PLCB1: variants seen among roughly 807,000 people sequenced by gnomAD.
PLCB1 encodes 1-phosphatidylinositol 4,5-bisphosphate phosphodiesterase beta-1.
Under a neutral mutation model 161.8 loss-of-function variants are expected in PLCB1, and 46 were observed. The ratio of observed to expected loss-of-function variants is 0.28; its 90% CI spans 0.22 to 0.36. The LOEUF is 0.36. Among genes scored for constraint, PLCB1 ranks in the 10% least tolerant of loss-of-function variants. The pLI is 1.00. For missense variants in PLCB1, 1,016 were observed against 1,472.5 expected (o/e 0.69, Z 5.07); for synonymous variants, 517 against 503.7 (o/e 1.03, Z -0.35).
intron 3 of PLCB1, among the ~76,000 whole-genome samples, chr20:8,551,492 C>T (rs1326255298): frequency 6.6e-6 from 1 of 152,178 alleles, no homozygotes; most frequent in South Asian, 2.1e-4. Flanking sequence ...AAGGGTGTGA[C>T]CTTTACCGTC....
In PLCB1 at chr20:8,796,404, G is replaced by A. The variant is rs554469374; in HGVS notation, c.3423+6143G>A. Among the ~76,000 whole-genome samples the A allele has an allele frequency of 9.9e-5, 15 of 152,226 alleles. No individual in the cohort carries two copies. In the South Asian group the frequency reaches 1.9e-3, roughly 19 times the overall value. ...GTTTGGGAGAGAAAAGGCAAACTTC[G>A]GGATTTAAAATAAAATATTTTTTAA... is the stretch of plus-strand genomic sequence containing the variant. On this transcript the variant is annotated intron_variant, in intron 31 of 31. Transcript: ENST00000338037.
At chr20:8,509,695 G>A (rs1042879095) in intron 3 of PLCB1, among the ~76,000 whole-genome samples, 5 of 151,924 alleles carry the variant, frequency 3.3e-5, no homozygotes, top group African/African-American at 1.2e-4. Flanking sequence ...ATAACAGGTA[G>A]GTAGACAGAT....
chr20:8,202,079 TTTG>T (rs1383705112), intron 2 of PLCB1, among the ~76,000 whole-genome samples: 1 of 152,154 alleles, frequency 6.6e-6, no homozygotes, highest in Non-Finnish European at 1.5e-5. Flanking sequence ...GTTTGTGTAT[TTTG>T]TTGTTGTTGT....
chr20:8,308,437 T>C (rs956294897), intron 2 of PLCB1, among the ~76,000 whole-genome samples: 7 of 151,292 alleles, frequency 4.6e-5, no homozygotes, highest in Middle Eastern at 3.4e-3. Flanking sequence ...GCCAACATGG[T>C]GAAACCCTCT....
intron 2 of PLCB1, among the ~76,000 whole-genome samples, chr20:8,175,640 T>C (rs1480506473): frequency 6.6e-6 from 1 of 152,078 alleles, no homozygotes; most frequent in Non-Finnish European, 1.5e-5. Flanking sequence ...AAATCCATGA[T>C]TCATAAGAAG....
intron 3 of PLCB1, among the ~76,000 whole-genome samples, chr20:8,586,939 G>C (rs979581036): frequency 5.3e-5 from 8 of 152,202 alleles, no homozygotes; most frequent in Admixed American, 3.3e-4. Flanking sequence ...GAAATTCCTA[G>C]CCTCGCATTT....
intron 31 of PLCB1, among the ~76,000 whole-genome samples, chr20:8,842,718 G>T (rs1170369233): frequency 1.3e-5 from 2 of 152,174 alleles, no homozygotes; most frequent in Admixed American, 6.5e-5. Context: ...CAAGCAGGCG[G>T]TGCGTGACTG....
chr20:8,136,958 A>G (rs1334589287), intron 1 of PLCB1, among the ~76,000 whole-genome samples: 1 of 152,200 alleles, frequency 6.6e-6, no homozygotes, highest in Non-Finnish European at 1.5e-5. Context: ...ATATGTGTAT[A>G]TAATTTAACA....
chr20:8,662,164 C>CACTTATTATATAATTGCATA (rs1989669201), intron 9 of PLCB1, among the ~76,000 whole-genome samples: 1 of 17,972 alleles, frequency 5.6e-5, no homozygotes, highest in Non-Finnish European at 9.1e-5. Context: ...TATTTATTAT[C>CACTTATTATATAATTGCATA]TAATTCTATA....
Position 8,539,670 on chromosome 20 carries a change from TTCTTTCTTTC to T in PLCB1, c.247-88622_247-88613del, listed in dbSNP as rs1474961185. 7.0e-3 allele frequency among the ~76,000 whole-genome samples: 672 copies of T among 96,494 alleles called. 8 individuals are homozygous for T. The highest frequency in any genetic ancestry group is 0.012 in the African/African-American group (293 of 23,834). 63.3% of individuals were successfully genotyped at this position (96,494 alleles called of 152,430 possible). On this transcript the variant is annotated intron_variant, in intron 3 of 31. Coordinates refer to ENST00000338037, the MANE Select transcript of PLCB1 (RefSeq NM_015192.4). ...TTTCTTTCTTTCTTTCTTTCTTTCTTTCTTTCTTTCTTTCTTTTTCTTTTTCCTTCCTTCC... is the reference window on the plus strand; with the variant it reads ...TTTCTTTCTTTCTTTCTTTCTTTCTTTTTCTTTTTCTTTTTCCTTCCTTCC...
intron 27 of PLCB1, among the ~76,000 whole-genome samples, chr20:8,785,113 G>A (rs1442646053): frequency 6.6e-6 from 1 of 151,050 alleles, no homozygotes; most frequent in Non-Finnish European, 1.5e-5. Context: ...CAATTAGGGG[G>A]CCAACACCCA....
intron 31 of PLCB1, among the ~76,000 whole-genome samples, chr20:8,875,815 C>T (rs1461244921): frequency 6.6e-6 from 1 of 151,932 alleles, no homozygotes; most frequent in Non-Finnish European, 1.5e-5. Context: ...TATATTTATG[C>T]CACATTTATG....
intron 2 of PLCB1, among the ~76,000 whole-genome samples, chr20:8,196,058 A>G (rs909024740): frequency 6.6e-6 from 1 of 151,950 alleles, no homozygotes. Flanking sequence ...AAACTACAAA[A>G]TCTCATGAGA....
chr20:8,618,416 C>G (rs1414409749), intron 3 of PLCB1, among the ~76,000 whole-genome samples: 1 of 151,966 alleles, frequency 6.6e-6, no homozygotes. Flanking sequence ...AATCCCAACA[C>G]CTTAGGCAGG....
chr20:8,721,913 G>C lies in PLCB1; in HGVS notation c.1514-441G>C, dbSNP rs943198171. Among the ~76,000 whole-genome samples, 20 of 132,766 alleles carry C rather than the reference G, an allele frequency of 1.5e-4. No individual in the cohort carries two copies. In the Admixed American group the frequency reaches 1.6e-3, roughly 11 times the overall value. The allele number at this position is 132,766 out of a possible 152,430, so 87.1% of individuals were successfully genotyped here. On this transcript the variant is annotated intron_variant, in intron 14 of 31. Transcript: ENST00000338037. Reference sequence around the variant, plus strand: ...CCACGCATTGCATGGAAGAGTCGCGGCTTGGGAAAGGAGGGAAAGATGAAG... The same window carrying C: ...CCACGCATTGCATGGAAGAGTCGCGCCTTGGGAAAGGAGGGAAAGATGAAG...
At chr20:8,834,822 A>C (rs1458188322) in intron 31 of PLCB1, among the ~76,000 whole-genome samples, 2 of 80,024 alleles carry the variant, frequency 2.5e-5, no homozygotes, top group East Asian at 5.6e-4. Context: ...AAAAAAAAAA[A>C]AAAAAAAAAA....
intron 2 of PLCB1, among the ~76,000 whole-genome samples, chr20:8,304,128 G>C (rs1984025026): frequency 6.6e-6 from 1 of 152,160 alleles, no homozygotes; most frequent in Admixed American, 6.5e-5. Flanking sequence ...AAAAAATGGG[G>C]ACCAAATCTG....
At chr20:8,729,854 C>G (rs1270169770) in intron 18 of PLCB1, 1 of 151,862 alleles carries the variant, frequency 6.6e-6, no homozygotes, top group Admixed American at 6.6e-5. Context: ...TACATTACTC[C>G]GCTGTCAGCA....
chr20:8,292,750 A>T (rs1983442858), intron 2 of PLCB1, among the ~76,000 whole-genome samples: 1 of 152,196 alleles, frequency 6.6e-6, no homozygotes, highest in African/African-American at 2.4e-5. Context: ...AGCTTGTGAC[A>T]TTAATCAAGT....
Sources: allele counts gnomAD v4.1 joint callset (sites outside exome capture counted in the v4.1 genomes callset), GRCh38; gene constraint gnomAD v4.1.1; transcripts MANE v1.5; gene names NCBI Gene and HGNC (gene_info 2026-07-23, HGNC 2026-07-21).